The following RUFY2 variants were observed in gnomAD, a reference collection of about 807,000 sequenced individuals.
The protein encoded by RUFY2 is RUN and FYVE domain-containing protein 2.
RUFY2 carries 49 observed loss-of-function variants against 94.4 expected under a neutral mutation model. The ratio of observed to expected loss-of-function variants is 0.52; its 90% confidence interval spans 0.41 to 0.66. RUFY2 has a LOEUF of 0.66. Among genes scored for constraint, RUFY2 ranks in the 30% least tolerant of loss-of-function variants. RUFY2 has a pLI of 0.00. For missense variants in RUFY2, 541 were observed against 692.8 expected (o/e 0.78, Z 2.46); for synonymous variants, 255 against 235.7 (o/e 1.08, Z -0.75).
intron 16 of RUFY2, among the ~76,000 whole-genome samples, chr10:68,351,725 G>A (rs1243216389): frequency 4.0e-5 from 6 of 150,228 alleles, no homozygotes; most frequent in South Asian, 4.2e-4. Context: ...TGGGATTACA[G>A]GCGTGAGCCA....
chr10:68,397,759 T>C lies in RUFY2; in HGVS notation c.297-878A>G, dbSNP rs188136971. Among the ~76,000 whole-genome samples, 1,010 of 150,934 alleles carry C rather than the reference T, an allele frequency of 6.7e-3. 10 individuals carry two copies. The highest frequency in any genetic ancestry group is 0.011 in the Admixed American group (167 of 15,156). On this transcript the variant is annotated intron_variant, in intron 3 of 17. Coordinates refer to ENST00000602465, the MANE Select transcript of RUFY2 (RefSeq NM_001330103.2). Reference sequence around the variant, plus strand: ...CATCACTGTACTCAAGCCTGGGTGATAGAGTGAGACCCTGTCTCAGAAAAA... The same window carrying C: ...CATCACTGTACTCAAGCCTGGGTGACAGAGTGAGACCCTGTCTCAGAAAAA...
chr10:68,375,481 T>A (rs1451576963), intron 13 of RUFY2, among the ~76,000 whole-genome samples: 1 of 151,340 alleles, frequency 6.6e-6, no homozygotes, highest in Non-Finnish European at 1.5e-5. Context: ...AAAAAAAAAA[T>A]TAGAGACAAT....
chr10:68,341,345 A>G, downstream of RUFY2: 1 of 1,576,564 alleles, frequency 6.3e-7, no homozygotes, highest in Non-Finnish European at 8.6e-7. Flanking sequence ...CTTATTTCCT[A>G]AACGTGAATT....
intron 1 of RUFY2, chr10:68,405,302 T>C (rs2051190505): frequency 5.7e-6 from 1 of 174,240 alleles, no homozygotes; most frequent in Admixed American, 1.0e-4. Context: ...ACAGAGCGAA[T>C]CTCCGTCTCA....
intron 7 of RUFY2, among the ~76,000 whole-genome samples, chr10:68,388,692 T>C (rs1589943002): frequency 6.6e-6 from 1 of 151,730 alleles, no homozygotes; most frequent in South Asian, 2.1e-4. Context: ...AAAAATTAGC[T>C]GGGTGTCGTG....
chr10:68,388,837 C>CAAAAAAAAAAA (rs71009052), intron 7 of RUFY2, among the ~76,000 whole-genome samples: 1 of 102,488 alleles, frequency 9.8e-6, no homozygotes, highest in Non-Finnish European at 1.9e-5. Flanking sequence ...AACCCTGTCT[C>CAAAAAAAAAAA]AAAAAAAAAA....
At chr10:68,384,801 C>G (rs1375433907) in intron 8 of RUFY2, among the ~76,000 whole-genome samples, 1 of 152,160 alleles carries the variant, frequency 6.6e-6, no homozygotes, top group Non-Finnish European at 1.5e-5. Flanking sequence ...CATTTCTAAA[C>G]ATTTTATCAG....
intron 2 of RUFY2, among the ~76,000 whole-genome samples, chr10:68,403,147 CT>C (rs200924956): frequency 9.6e-5 from 14 of 145,276 alleles, no homozygotes; most frequent in South Asian, 2.2e-4. Context: ...CACCCAGCCA[CT>C]TTTTTTTTTA....
At chr10:68,349,827 C>T (rs1489059505) in intron 16 of RUFY2, among the ~76,000 whole-genome samples, 13 of 151,956 alleles carry the variant, frequency 8.6e-5, no homozygotes, top group Admixed American at 1.3e-4. Flanking sequence ...CGTGAGCCAC[C>T]GCGCCCGGCC....
chr10:68,407,242 G>T lies in RUFY2; in HGVS notation c.-53C>A. ...GGAGGCTCCCTCGGCCTGTCCAGCA[G>T]CTCCTTCCAGGCGCTCGGCGGCCAC... is the stretch of plus-strand genomic sequence containing the variant. On this transcript the variant is annotated 5_prime_UTR_variant, in exon 1 of 18. The change creates a new upstream start codon in the 5' untranslated region. Coordinates refer to ENST00000602465, the MANE Select transcript of RUFY2 (RefSeq NM_001330103.2). 1 of 1,309,954 alleles carries T rather than the reference G, an allele frequency of 7.6e-7. No individual in the cohort carries two copies. The highest frequency in any genetic ancestry group is 9.7e-7 in the Non-Finnish European group (1 of 1,030,076). 81.1% of individuals were successfully genotyped at this position (1,309,954 alleles called of 1,614,324 possible). A position where few individuals can be genotyped will look rare whatever the true frequency, so the allele number is the denominator to read the frequency against.
At chr10:68,346,348 T>C (rs941233380) in intron 16 of RUFY2, 5 of 343,884 alleles carry the variant, frequency 1.5e-5, no homozygotes, top group African/African-American at 8.7e-5. Flanking sequence ...TCCAGCTACT[T>C]GGGAGGCTGA....
chr10:68,384,215 T>A lies in RUFY2; in HGVS notation c.721-63A>T, dbSNP rs138037234. 2,315 of 1,519,854 alleles carry A rather than the reference T, an allele frequency of 1.5e-3. 29 individuals carry two copies. In the African/African-American group the frequency reaches 0.027, roughly 18 times the overall value. The allele number at this position is 1,519,854 out of a possible 1,614,324, so 94.1% of individuals were successfully genotyped here. On this transcript the variant is annotated intron_variant, in intron 8 of 17. Transcript: ENST00000602465. ...ACACCCTTATACTTGCTTTGCAGGT[T>A]ATGTGCATGGCCATAAACATCAGAA...
intron 13 of RUFY2, among the ~76,000 whole-genome samples, chr10:68,375,312 AG>A (rs2048552983): frequency 1.4e-5 from 1 of 71,818 alleles, no homozygotes; most frequent in Non-Finnish European, 2.6e-5. Flanking sequence ...TGTCTATTTG[AG>A]GGGGGAGGAT....
At chr10:68,374,114 CA>C (rs34041522) in intron 13 of RUFY2, among the ~76,000 whole-genome samples, 140 of 59,354 alleles carry the variant, frequency 2.4e-3, no homozygotes, top group African/African-American at 6.9e-3. Flanking sequence ...GATCCTGTCC[CA>C]AAAAAAAAAA....
intron 16 of RUFY2, among the ~76,000 whole-genome samples, chr10:68,349,894 T>C (rs922627026): frequency 6.6e-6 from 1 of 152,086 alleles, no homozygotes; most frequent in Admixed American, 6.5e-5. Flanking sequence ...ACGCTATTTT[T>C]AAAAGGAAAA....
chr10:68,346,321 T>C (rs1236529802), intron 16 of RUFY2: 4 of 408,970 alleles, frequency 9.8e-6, no homozygotes, highest in Non-Finnish European at 1.7e-5. Context: ...CAGGCGACAA[T>C]GGCTCACACC....
At chr10:68,368,958 T>C (rs763022614) in intron 13 of RUFY2, among the ~76,000 whole-genome samples, 10 of 152,016 alleles carry the variant, frequency 6.6e-5, no homozygotes, top group Non-Finnish European at 1.3e-4. Flanking sequence ...AAAAAACCCA[T>C]GCCCCCGCAA....
chr10:68,350,423 T>C (rs1364775296), intron 16 of RUFY2, among the ~76,000 whole-genome samples: 3 of 152,252 alleles, frequency 2.0e-5, no homozygotes, highest in East Asian at 3.9e-4. Context: ...AAAAACTGTT[T>C]AGGACAGCTG....
At chr10:68,365,008 C>T (rs1335514019) in intron 13 of RUFY2, among the ~76,000 whole-genome samples, 5 of 151,764 alleles carry the variant, frequency 3.3e-5, no homozygotes, top group Admixed American at 3.3e-4. Flanking sequence ...AACAATACTA[C>T]AGTTACTAAT....
Sources: allele counts gnomAD v4.1 joint callset (sites outside exome capture counted in the v4.1 genomes callset), GRCh38; gene constraint gnomAD v4.1.1; transcripts MANE v1.5; gene names NCBI Gene and HGNC (gene_info 2026-07-23, HGNC 2026-07-21).